CYTH3: variants seen among roughly 807,000 people sequenced by gnomAD.
CYTH3 encodes cytohesin 3, also known as cytohesin-3.
CYTH3 carries 23 observed loss-of-function variants against 55.1 expected under a neutral mutation model. The observed-to-expected ratio is 0.42, with a 90% CI of 0.30 to 0.59. The LOEUF is 0.59. Among genes scored for constraint, CYTH3 ranks in the 20% least tolerant of loss-of-function variants. The pLI is 0.20. For synonymous variants in CYTH3, 249 were observed against 194.9 expected, an observed-to-expected ratio of 1.28 and a Z score of -2.31; for missense variants, 413 against 524.8, an observed-to-expected ratio of 0.79 and a Z score of 2.08.
intron 1 of CYTH3, among the ~76,000 whole-genome samples, chr7:6,207,086 CTTTTTT>C (rs58910123): frequency 5.8e-5 from 6 of 104,088 alleles, no homozygotes; most frequent in Admixed American, 5.5e-4. Context: ...AAATGTGCAA[CTTTTTT>C]TTTTTTTTTT....
chr7:6,272,411 A>ACACCCC, intron 1 of CYTH3, 63 bp downstream of exon 1: 1 of 434,098 alleles, frequency 2.3e-6, no homozygotes. Context: ...CGCGCCCTCG[A>ACACCCC]CCCCCAGCCC....
At chr7:6,250,121 G>A (rs143156530) in intron 1 of CYTH3, among the ~76,000 whole-genome samples, 2,579 of 152,144 alleles carry the variant, frequency 0.017, 34 homozygotes, top group Non-Finnish European at 0.024. Context: ...TGGAATCCCC[G>A]AGAAGTAGAC....
chr7:6,253,452 G>A (rs138155572), intron 1 of CYTH3, among the ~76,000 whole-genome samples: 6,413 of 151,756 alleles, frequency 0.042, 452 homozygotes, highest in African/African-American at 0.15. Context: ...CAAGTGATCC[G>A]CCTGCCTCGG....
In CYTH3 at chr7:6,164,033, A is replaced by C. The variant is rs1041246728; in HGVS notation, c.*911T>G. The C allele has an allele frequency of 1.3e-5, 2 of 152,310 alleles. No individual in the cohort carries two copies. Among genetic ancestry groups the C allele is most frequent in the South Asian group, 4.1e-4 (2 of 4,824 alleles). The allele number at this position is 152,310 out of a possible 1,614,324, so 9.4% of individuals were successfully genotyped here. A position where few individuals can be genotyped will look rare whatever the true frequency, so the allele number is the denominator to read the frequency against. ...TCCTAGGAGTTAGCAGTTACAGCCT[A>C]AACACCCCCAAACCATTAACTGTTA... On this transcript the variant is annotated 3_prime_UTR_variant, in exon 13 of 13. Transcript: ENST00000350796.
rs956691653 is a variant in CYTH3, at chr7:6,271,934, G to T, written c.34+540C>A. Among the ~76,000 whole-genome samples, 21 of 152,016 alleles carry T rather than the reference G, an allele frequency of 1.4e-4. 2 individuals carry two copies. The highest frequency in any genetic ancestry group is 2.1e-4 in the South Asian group (1 of 4,822). Reference sequence around the variant, plus strand: ...CCCCGTTCGAGCAAATCCAGCGACCGTTTCTGACCCAAAGCCAAGCAGACT... The same window carrying T: ...CCCCGTTCGAGCAAATCCAGCGACCTTTTCTGACCCAAAGCCAAGCAGACT... On this transcript the variant is annotated intron_variant, in intron 1 of 12. Coordinates refer to ENST00000350796, the MANE Select transcript of CYTH3 (RefSeq NM_004227.4).
intron 1 of CYTH3, among the ~76,000 whole-genome samples, chr7:6,257,390 ATTATT>A (rs1415815424): frequency 1.3e-5 from 2 of 152,198 alleles, no homozygotes; most frequent in African/African-American, 4.8e-5. Context: ...GACATTCTTG[ATTATT>A]TTATTTCCTC....
Position 6,165,783 on chromosome 7 carries a change from C to T in CYTH3, c.851G>A (p.Arg284Gln). ...GCAGTTATCGGTCAGGATGAACCAC[C>T]GGCGCTTCCAGGTCTTCACACGCCC... ...LGGRVKTWKR[R>Q]WFILTDNCLY... The change falls in exon 10 of 13, where the codon CGG becomes CAG. Residue 284 changes from arginine to glutamine, a missense_variant. Coordinates refer to ENST00000350796, the MANE Select transcript of CYTH3 (RefSeq NM_004227.4). The T allele has an allele frequency of 6.2e-7, 1 of 1,614,130 alleles. No homozygotes were observed. Among genetic ancestry groups the T allele is most frequent in the South Asian group, 1.1e-5 (1 of 91,084 alleles).
chr7:6,225,346 G>GA (rs971058529), intron 1 of CYTH3, among the ~76,000 whole-genome samples: 11 of 151,162 alleles, frequency 7.3e-5, no homozygotes, highest in African/African-American at 2.7e-4. Context: ...TAAGATGAAG[G>GA]AAAAAAAATT....
chr7:6,240,841 C>T (rs894432856), intron 1 of CYTH3, among the ~76,000 whole-genome samples: 1 of 151,896 alleles, frequency 6.6e-6, no homozygotes, highest in Non-Finnish European at 1.5e-5. Context: ...GGAGGCCAGG[C>T]GCAGTAGCTC....
chr7:6,212,679 T>G lies in CYTH3; in HGVS notation c.35-22148A>C, dbSNP rs375847424. 2.6e-5 allele frequency: 4 copies of G among 152,142 alleles called. No homozygotes were observed. In the East Asian group the frequency reaches 5.8e-4, roughly 22 times the overall value. The allele number at this position is 152,142 out of a possible 1,614,324, so 9.4% of individuals were successfully genotyped here. A position where few individuals can be genotyped will look rare whatever the true frequency, so the allele number is the denominator to read the frequency against. ...GCAGTAGTGAGAAGGGAGGAAAGAG[T>G]AGAATAAGGAGTTAGACCTGTAACT... On this transcript the variant is annotated intron_variant, in intron 1 of 12. Coordinates refer to ENST00000350796, the MANE Select transcript of CYTH3 (RefSeq NM_004227.4).
intron 4 of CYTH3, among the ~76,000 whole-genome samples, chr7:6,186,073 T>C (rs954697762): frequency 2.1e-4 from 32 of 151,408 alleles, no homozygotes; most frequent in Non-Finnish European, 2.5e-4. Flanking sequence ...TGAAACCCCA[T>C]CTCTACTAAA....
chr7:6,177,861 G>A lies in CYTH3; in HGVS notation c.330C>T (p.Gly110=). 2 of 1,614,100 alleles carry A rather than the reference G, an allele frequency of 1.2e-6. No homozygotes were observed. Among genetic ancestry groups the A allele is most frequent in the East Asian group, 2.2e-5 (1 of 44,884 alleles). Residue 110 remains glycine (G), a synonymous_variant, in exon 5 of 13, where the codon GGC becomes GGT. Coordinates refer to ENST00000350796, the MANE Select transcript of CYTH3 (RefSeq NM_004227.4). ...AGTCCCCAATGACGGTCTTATTTAG[G>A]CCTTCTCCTTTATAAAGGAACTGGG... ...DVAQFLYKGE[G]LNKTVIGDYL...
intron 1 of CYTH3, among the ~76,000 whole-genome samples, chr7:6,222,916 C>T (rs960369492): frequency 3.9e-5 from 6 of 152,180 alleles, no homozygotes; most frequent in African/African-American, 1.4e-4. Context: ...TCAAACAACA[C>T]TCCAGTTGGC....
intron 1 of CYTH3, among the ~76,000 whole-genome samples, chr7:6,255,044 T>G (rs1780062970): frequency 6.6e-6 from 1 of 152,208 alleles, no homozygotes; most frequent in Admixed American, 6.5e-5. Flanking sequence ...GCCAGAGGCT[T>G]AACACACTGA....
chr7:6,210,210 CA>C (rs1258118375), intron 1 of CYTH3, among the ~76,000 whole-genome samples: 2 of 151,830 alleles, frequency 1.3e-5, no homozygotes, highest in African/African-American at 2.4e-5. Flanking sequence ...AGGCGGTGAG[CA>C]GATGGGAACT....
At chr7:6,199,089 T>C (rs1481989128) in intron 1 of CYTH3, among the ~76,000 whole-genome samples, 1 of 152,216 alleles carries the variant, frequency 6.6e-6, no homozygotes, top group Non-Finnish European at 1.5e-5. Flanking sequence ...AGGCAGGAAA[T>C]CCTCCATTTT....
At chr7:6,230,806 A>G (rs985446765) in intron 1 of CYTH3, among the ~76,000 whole-genome samples, 3 of 152,260 alleles carry the variant, frequency 2.0e-5, no homozygotes, top group Non-Finnish European at 2.9e-5. Flanking sequence ...GTATTTTGAA[A>G]AAAGTTATAC....
chr7:6,200,683 G>A (rs531873613), intron 1 of CYTH3, among the ~76,000 whole-genome samples: 306 of 152,294 alleles, frequency 2.0e-3, no homozygotes, highest in African/African-American at 6.9e-3. Flanking sequence ...CCACTACATG[G>A]AAACTCTACA....
At chr7:6,183,267 C>T (rs1038471019) in intron 4 of CYTH3, among the ~76,000 whole-genome samples, 1 of 152,252 alleles carries the variant, frequency 6.6e-6, no homozygotes, top group Admixed American at 6.5e-5. Flanking sequence ...CCGCCCCCGG[C>T]AGTTCTTTCT....
Sources: allele counts gnomAD v4.1 joint callset (sites outside exome capture counted in the v4.1 genomes callset), GRCh38; gene constraint gnomAD v4.1.1; transcripts MANE v1.5; gene names NCBI Gene and HGNC (gene_info 2026-07-23, HGNC 2026-07-21).